Variants in CEP128 observed in about 807,000 individuals in gnomAD.
CEP128 encodes centrosomal protein 128, also known as centrosomal protein 128kDa.
Under a neutral mutation model 156.7 loss-of-function variants are expected in CEP128, and 132 were observed. The ratio of observed to expected loss-of-function variants is 0.84; its 90% confidence interval spans 0.73 to 0.97. The LOEUF (loss-of-function observed/expected upper bound fraction) is 0.97, where lower values mean the gene tolerates loss of function less well. Among genes scored for constraint, CEP128 ranks in the 50% least tolerant of loss-of-function variants. CEP128 has a pLI of 0.00. For missense variants in CEP128, 1,252 were observed against 1,281.9 expected (o/e 0.98, Z 0.36); for synonymous variants, 469 against 448.9 (o/e 1.04, Z -0.57).
chr14:80,830,914 TAATAAA>T (rs1885755810), intron 13 of CEP128: 1 of 447,912 alleles, frequency 2.2e-6, no homozygotes, highest in East Asian at 3.9e-5. Flanking sequence ...CTCTGTAAAA[TAATAAA>T]GGAAAATCAT....
intron 9 of CEP128, among the ~76,000 whole-genome samples, chr14:80,858,816 C>G (rs1274668657): frequency 6.6e-6 from 1 of 152,042 alleles, no homozygotes; most frequent in Non-Finnish European, 1.5e-5. Context: ...TCACTGGCCA[C>G]CAGAGAAATG....
chr14:80,717,831 T>G (rs1014284511), intron 19 of CEP128, among the ~76,000 whole-genome samples: 1 of 152,196 alleles, frequency 6.6e-6, no homozygotes, highest in South Asian at 2.1e-4. Context: ...TGCTTTTGTT[T>G]TGAGACAAGG....
At chr14:80,488,517 C>G (rs1489031705), downstream of CEP128, among the ~76,000 whole-genome samples, 3 of 151,176 alleles carry the variant, frequency 2.0e-5, no homozygotes, top group Admixed American at 6.6e-5. Flanking sequence ...GAAATAGGAA[C>G]ACTTTTACAC....
At chr14:80,841,983 T>C (rs923643851) in intron 9 of CEP128, among the ~76,000 whole-genome samples, 2 of 152,020 alleles carry the variant, frequency 1.3e-5, no homozygotes, top group Non-Finnish European at 2.9e-5. Context: ...CAAATTTCTA[T>C]GTTTAAGTTG....
chr14:80,718,735 CAA>C lies in CEP128; in HGVS notation c.2806+24338_2806+24339del, dbSNP rs1016731253. ...GTCAGGACTCTGTGAGGAGAGACAG[CAA>C]AGTCCAACAGTTTAAACCAAAACAA... On this transcript the variant is annotated intron_variant, in intron 19 of 24. Transcript: ENST00000555265. 2.0e-4 allele frequency among the ~76,000 whole-genome samples: 31 copies of C among 152,268 alleles called. 1 individual carries two copies. The highest frequency in any genetic ancestry group is 7.0e-4 in the African/African-American group (29 of 41,558).
chr14:80,586,227 CAG>C (rs1891815887), intron 19 of CEP128, among the ~76,000 whole-genome samples: 1 of 152,002 alleles, frequency 6.6e-6, no homozygotes, highest in African/African-American at 2.4e-5. Context: ...TTTAAGGAAA[CAG>C]AAGTGGAGGG....
rs1439284129 is a variant in CEP128, at chr14:80,866,355, C to T, written c.646-3482G>A. 3.9e-5 allele frequency among the ~76,000 whole-genome samples: 6 copies of T among 152,178 alleles called. No homozygotes were observed. The South Asian group carries it at 1.0e-3, about 26-fold the overall frequency. Reference sequence around the variant, plus strand: ...CTGCAGACCCAATCAACTTGCCCCACACCAGTAGACCCTCGTGCCAGGCCA... The same window carrying T: ...CTGCAGACCCAATCAACTTGCCCCATACCAGTAGACCCTCGTGCCAGGCCA... On this transcript the variant is annotated intron_variant, in intron 8 of 24. Transcript: ENST00000555265.
At chr14:80,873,088 G>A (rs1888107535) in intron 8 of CEP128, among the ~76,000 whole-genome samples, 1 of 152,180 alleles carries the variant, frequency 6.6e-6, no homozygotes, top group South Asian at 2.1e-4. Context: ...ATTCAACTGA[G>A]TGTACAATTA....
In CEP128 at chr14:80,725,484, C is replaced by T. The variant is rs192827570; in HGVS notation, c.2806+17591G>A. Among the ~76,000 whole-genome samples the T allele has an allele frequency of 1.4e-3, 220 of 152,174 alleles. 1 individual carries two copies. The highest frequency in any genetic ancestry group is 4.5e-3 in the African/African-American group (187 of 41,538). On this transcript the variant is annotated intron_variant, in intron 19 of 24. Transcript: ENST00000555265. The stretch of plus-strand genomic sequence containing the variant: ...AGAGGTGAGGCACTGCGCCCAGCCC[C>T]CAGTGCTTTTTCCTGCAGATAATTT...
chr14:80,642,647 A>G (rs953986663), intron 19 of CEP128, among the ~76,000 whole-genome samples: 1 of 152,088 alleles, frequency 6.6e-6, no homozygotes, highest in African/African-American at 2.4e-5. Flanking sequence ...AACAGGTGAG[A>G]CTCCATCTCT....
At position 80,534,681 on chromosome 14, in the gene CEP128, C is replaced by T. The variant is rs184768329; in HGVS notation, c.2881-3795G>A. Among the ~76,000 whole-genome samples the T allele has an allele frequency of 8.0e-3, 1,219 of 151,990 alleles. 7 individuals carry two copies. The highest frequency in any genetic ancestry group is 0.014 in the Non-Finnish European group (947 of 67,960). ...TCTACTAAAAATACAAAAAATTAGC[C>T]GGGCGCGGTGGCGGGCACCTGTAGT... On this transcript the variant is annotated intron_variant, in intron 21 of 24. Transcript: ENST00000555265.
intron 9 of CEP128, among the ~76,000 whole-genome samples, chr14:80,859,404 G>T (rs560027425): frequency 1.0e-5 from 1 of 99,166 alleles, no homozygotes; most frequent in African/African-American, 3.8e-5. Context: ...TTGTGGGGTG[G>T]GGGGAGGGGG....
chr14:80,687,084 G>A (rs1174946642), intron 19 of CEP128, among the ~76,000 whole-genome samples: 1 of 151,748 alleles, frequency 6.6e-6, no homozygotes, highest in Non-Finnish European at 1.5e-5. Context: ...ATGGATCAAA[G>A]GGACCTGATT....
intron 21 of CEP128, among the ~76,000 whole-genome samples, chr14:80,537,304 G>T (rs944681130): frequency 1.3e-5 from 2 of 152,090 alleles, no homozygotes; most frequent in Non-Finnish European, 2.9e-5. Context: ...AAAAGATGTA[G>T]TATTTTCTCC....
At chr14:80,750,454 T>C (rs749503292) in intron 18 of CEP128, among the ~76,000 whole-genome samples, 1 of 152,216 alleles carries the variant, frequency 6.6e-6, no homozygotes, top group Non-Finnish European at 1.5e-5. Flanking sequence ...ATATTGTCTT[T>C]ATGCAATTGT....
At chr14:80,543,522 T>C (rs1478383765) in intron 21 of CEP128, among the ~76,000 whole-genome samples, 4 of 152,340 alleles carry the variant, frequency 2.6e-5, no homozygotes, top group Middle Eastern at 3.4e-3. Context: ...ATGGAGTACA[T>C]GTGAGCACAA....
intron 9 of CEP128, among the ~76,000 whole-genome samples, chr14:80,859,903 C>T (rs1018911542): frequency 6.6e-6 from 1 of 152,098 alleles, no homozygotes; most frequent in Admixed American, 6.6e-5. Flanking sequence ...TCTCTGCATC[C>T]TATAATTTCA....
At chr14:80,903,587 T>G (rs1173787700) in intron 6 of CEP128, among the ~76,000 whole-genome samples, 1 of 151,802 alleles carries the variant, frequency 6.6e-6, no homozygotes, top group Admixed American at 6.6e-5. Flanking sequence ...GAGAAATATC[T>G]GCAAACCATA....
chr14:80,671,773 G>A (rs913613975), intron 19 of CEP128, among the ~76,000 whole-genome samples: 2 of 143,354 alleles, frequency 1.4e-5, no homozygotes, highest in South Asian at 2.2e-4. Context: ...TACAGAGGAT[G>A]TTGCTTTATG....
Sources: gnomAD v4.1 joint callset for allele counts (sites outside exome capture counted in the v4.1 genomes callset) on GRCh38, gnomAD v4.1.1 for gene constraint, MANE v1.5 for transcripts, NCBI Gene and HGNC (gene_info 2026-07-23, HGNC 2026-07-21) for gene names.